The following NOL4 variants were observed in gnomAD, a reference collection of about 807,000 sequenced individuals.
The protein encoded by NOL4 is cancer/testis antigen 125.
In NOL4, 17 loss-of-function variants were observed where a neutral mutation model predicts 75.9. The observed-to-expected ratio is 0.22, with a 90% CI of 0.15 to 0.34. The LOEUF (loss-of-function observed/expected upper bound fraction) is 0.34, where lower values mean the gene tolerates loss of function less well. Ranked by LOEUF, NOL4 falls within the 10% of genes least tolerant of loss-of-function variation. The probability of loss-of-function intolerance (pLI) is 1.00; values close to 1 mark genes in which losing one functional copy is unlikely to be tolerated. For synonymous variants in NOL4, 292 were observed against 289.9 expected (o/e 1.01, Z -0.07); for missense variants, 614 against 793.5 (o/e 0.77, Z 2.72).
intron 9 of NOL4, among the ~76,000 whole-genome samples, chr18:33,931,925 T>C (rs1390815405): frequency 6.6e-6 from 1 of 152,146 alleles, no homozygotes; most frequent in South Asian, 2.1e-4. Context: ...ACCACTATCA[T>C]GCAAATCAAG....
chr18:34,145,255 C>G (rs1023557874), intron 1 of NOL4, among the ~76,000 whole-genome samples: 1 of 151,822 alleles, frequency 6.6e-6, no homozygotes, highest in Non-Finnish European at 1.5e-5. Flanking sequence ...GCAATTTTAC[C>G]TTCTAGGACT....
At chr18:34,124,905 CAA>C (rs11332460) in intron 2 of NOL4, among the ~76,000 whole-genome samples, 1,956 of 147,668 alleles carry the variant, frequency 0.013, 36 homozygotes, top group African/African-American at 0.041. Flanking sequence ...AAAACTGTCT[CAA>C]AAAAAAAAAA....
intron 1 of NOL4, among the ~76,000 whole-genome samples, chr18:34,163,165 C>T (rs2031787987): frequency 6.6e-6 from 1 of 152,150 alleles, no homozygotes; most frequent in Non-Finnish European, 1.5e-5. Context: ...GAAGCATTCC[C>T]TTTGAAAACT....
chr18:33,888,904 A>T (rs116374722), intron 9 of NOL4, among the ~76,000 whole-genome samples: 2,172 of 151,432 alleles, frequency 0.014, 53 homozygotes, highest in African/African-American at 0.049. Context: ...CTAAATGCCC[A>T]CAAGACAAAG....
intron 5 of NOL4, among the ~76,000 whole-genome samples, chr18:34,067,508 G>A (rs1243810425): frequency 1.3e-5 from 2 of 152,178 alleles, no homozygotes. Flanking sequence ...CAGGTATGAG[G>A]CTACTTTAAT....
chr18:34,144,591 T>A (rs2081323996), intron 1 of NOL4, among the ~76,000 whole-genome samples: 1 of 152,140 alleles, frequency 6.6e-6, no homozygotes, highest in Admixed American at 6.6e-5. Flanking sequence ...TGGGTTTATT[T>A]AAAGTTTTGT....
At chr18:34,040,144 A>G (rs956863573) in intron 5 of NOL4, among the ~76,000 whole-genome samples, 2 of 152,002 alleles carry the variant, frequency 1.3e-5, no homozygotes, top group African/African-American at 2.4e-5. Context: ...TTTGGTGACT[A>G]TATTTTTAAT....
At chr18:34,169,923 T>C (rs2032848288) in intron 1 of NOL4, among the ~76,000 whole-genome samples, 1 of 152,228 alleles carries the variant, frequency 6.6e-6, no homozygotes, top group South Asian at 2.1e-4. Flanking sequence ...ATTATTTTTC[T>C]ATTTTTAATC....
intron 1 of NOL4, among the ~76,000 whole-genome samples, chr18:34,182,533 T>TAA (rs1156479460): frequency 6.6e-6 from 1 of 151,718 alleles, no homozygotes; most frequent in Non-Finnish European, 1.5e-5. Flanking sequence ...ATATACACTT[T>TAA]AAAACAGTGA....
chr18:33,878,888 C>T (rs766667984), intron 10 of NOL4, among the ~76,000 whole-genome samples: 27 of 152,002 alleles, frequency 1.8e-4, no homozygotes, highest in Admixed American at 4.6e-4. Flanking sequence ...TCACTGACAC[C>T]CACATAATTG....
chr18:33,981,125 G>C (rs946760190), intron 6 of NOL4, among the ~76,000 whole-genome samples: 2 of 151,976 alleles, frequency 1.3e-5, no homozygotes, highest in African/African-American at 4.8e-5. Context: ...CTCTGAGCAT[G>C]AGGATATGTC....
chr18:33,993,136 T>G (rs530270290), intron 6 of NOL4, among the ~76,000 whole-genome samples: 2 of 152,048 alleles, frequency 1.3e-5, no homozygotes, highest in Admixed American at 6.6e-5. Flanking sequence ...AACACTGACA[T>G]TGGTAACCAT....
intron 6 of NOL4, among the ~76,000 whole-genome samples, chr18:33,985,274 C>T (rs560209683): frequency 1.3e-5 from 2 of 152,038 alleles, no homozygotes; most frequent in African/African-American, 2.4e-5. Flanking sequence ...GTAATGTTTT[C>T]GACACCTGAG....
At position 34,013,835 on chromosome 18, in the gene NOL4, C is replaced by G. The variant is rs187194438; in HGVS notation, c.1056+5483G>C. On this transcript the variant is annotated intron_variant, in intron 6 of 10. Transcript: ENST00000261592. ...TTTTTTTAACTTTGTCCGTCTAGCACTCAGGAGAGTGTCTCACACATATTA... is the reference window on the plus strand; with the variant it reads ...TTTTTTTAACTTTGTCCGTCTAGCAGTCAGGAGAGTGTCTCACACATATTA... 1.2e-4 allele frequency among the ~76,000 whole-genome samples: 18 copies of G among 151,988 alleles called. No homozygotes were observed. In the East Asian group the frequency reaches 1.7e-3, roughly 15 times the overall value.
At chr18:34,139,730 G>C (rs553856611) in intron 1 of NOL4, among the ~76,000 whole-genome samples, 1 of 152,048 alleles carries the variant, frequency 6.6e-6, no homozygotes, top group African/African-American at 2.4e-5. Flanking sequence ...GCTTTTGAAT[G>C]TGTTTGCTCT....
intron 1 of NOL4, among the ~76,000 whole-genome samples, chr18:34,170,585 G>A (rs571778427): frequency 6.6e-6 from 1 of 151,960 alleles, no homozygotes; most frequent in Admixed American, 6.6e-5. Flanking sequence ...GAATATATTG[G>A]GTTAAATGAA....
At chr18:34,210,975 C>A (rs1465695372) in intron 1 of NOL4, among the ~76,000 whole-genome samples, 1 of 151,978 alleles carries the variant, frequency 6.6e-6, no homozygotes, top group Admixed American at 6.6e-5. Context: ...CCTCTGCTAT[C>A]TTATCATGAA....
At chr18:33,968,789 ATCT>A (rs1246303161) in intron 6 of NOL4, among the ~76,000 whole-genome samples, 1 of 152,176 alleles carries the variant, frequency 6.6e-6, no homozygotes, top group Admixed American at 6.5e-5. Flanking sequence ...TTTTAAAAAA[ATCT>A]TCTAAGTGCC....
intron 6 of NOL4, among the ~76,000 whole-genome samples, chr18:33,962,879 T>G (rs1600073054): frequency 6.6e-6 from 1 of 152,180 alleles, no homozygotes; most frequent in African/African-American, 2.4e-5. Flanking sequence ...CAGTAAAAAA[T>G]GTATAGCCCT....
Sources: allele counts gnomAD v4.1 joint callset (sites outside exome capture counted in the v4.1 genomes callset), GRCh38; gene constraint gnomAD v4.1.1; transcripts MANE v1.5; gene names NCBI Gene and HGNC (gene_info 2026-07-23, HGNC 2026-07-21).